The following CAMK4 variants were observed in gnomAD, a reference collection of about 807,000 sequenced individuals.
CAMK4 encodes the protein calcium/calmodulin-dependent protein kinase type IV.
Under a neutral mutation model 44.9 loss-of-function variants are expected in CAMK4, and 22 were observed. The observed-to-expected ratio is 0.49, with a 90% CI of 0.35 to 0.70. CAMK4 has a LOEUF of 0.70. CAMK4 is among the 30% of genes least tolerant of loss of function. CAMK4 has a pLI of 0.01. For missense variants in CAMK4, 498 were observed against 586.8 expected, an observed-to-expected ratio of 0.85 and a Z score of 1.56; for synonymous variants, 218 against 215.4, an observed-to-expected ratio of 1.01 and a Z score of -0.11.
chr5:111,233,391 G>C (rs1036162406), intron 1 of CAMK4, among the ~76,000 whole-genome samples: 2 of 152,144 alleles, frequency 1.3e-5, no homozygotes, highest in Non-Finnish European at 2.9e-5. Context: ...ATGTTGGCTA[G>C]TTCCATTTCT....
intron 7 of CAMK4, among the ~76,000 whole-genome samples, chr5:111,469,613 A>G (rs1754992310): frequency 6.6e-6 from 1 of 152,164 alleles, no homozygotes; most frequent in African/African-American, 2.4e-5. Flanking sequence ...GCCTAGAGAA[A>G]ACATCTGACC....
At chr5:111,238,182 C>T (rs1036730442) in intron 1 of CAMK4, among the ~76,000 whole-genome samples, 24 of 152,218 alleles carry the variant, frequency 1.6e-4, no homozygotes, top group African/African-American at 4.1e-4. Flanking sequence ...AGCACTTCTC[C>T]GTCCCCTCCT....
chr5:111,423,268 T>G (rs1215927039), intron 5 of CAMK4, among the ~76,000 whole-genome samples: 1 of 152,178 alleles, frequency 6.6e-6, no homozygotes, highest in East Asian at 1.9e-4. Flanking sequence ...GCTTTTAAAA[T>G]CTAAATAAAG....
chr5:111,377,078 A>C, intron 4 of CAMK4, 136 bp downstream of exon 4: 1 of 554,566 alleles, frequency 1.8e-6, no homozygotes, highest in Non-Finnish European at 3.2e-6. Context: ...AAAAAGTCTT[A>C]AGAAGAATGT....
At chr5:111,297,645 GC>G (rs1747546880) in intron 1 of CAMK4, among the ~76,000 whole-genome samples, 1 of 152,066 alleles carries the variant, frequency 6.6e-6, no homozygotes, top group African/African-American at 2.4e-5. Context: ...TCCACTGGAG[GC>G]TAATGCCTCA....
intron 5 of CAMK4, among the ~76,000 whole-genome samples, chr5:111,416,100 A>G: frequency 6.6e-6 from 1 of 152,244 alleles, no homozygotes; most frequent in East Asian, 1.9e-4. Flanking sequence ...AGGATATTCC[A>G]GTAACTGCTG....
At chr5:111,314,641 A>T (rs1332788403) in intron 1 of CAMK4, among the ~76,000 whole-genome samples, 1 of 152,108 alleles carries the variant, frequency 6.6e-6, no homozygotes, top group Non-Finnish European at 1.5e-5. Flanking sequence ...AGTTCCCACC[A>T]ATATAATGAT....
At chr5:111,385,050 TA>T (rs1340165122) in intron 4 of CAMK4, among the ~76,000 whole-genome samples, 4 of 152,176 alleles carry the variant, frequency 2.6e-5, no homozygotes, top group African/African-American at 9.6e-5. Flanking sequence ...TAGACGCTAA[TA>T]TTTTTTAAGC....
intron 5 of CAMK4, 134 bp from the exon 6 acceptor site, chr5:111,446,552 T>C: frequency 1.8e-6 from 1 of 570,994 alleles, no homozygotes; most frequent in Non-Finnish European, 3.1e-6. Context: ...GATTTTCCTT[T>C]ATGGTACTTA....
At chr5:111,397,571 G>A (rs1752064992) in intron 5 of CAMK4, among the ~76,000 whole-genome samples, 1 of 151,860 alleles carries the variant, frequency 6.6e-6, no homozygotes, top group South Asian at 2.1e-4. Flanking sequence ...TACACCAATA[G>A]AAAGTTTAAA....
chr5:111,316,654 C>T lies in CAMK4; in HGVS notation c.162-27370C>T, dbSNP rs570761419. ...CTGCAACTGCGTTATTTGTTTAAATCATTTGTTTTAAAAAAGAGTTTTCTT... is the reference window on the plus strand; with the variant it reads ...CTGCAACTGCGTTATTTGTTTAAATTATTTGTTTTAAAAAAGAGTTTTCTT... On this transcript the variant is annotated intron_variant, in intron 1 of 10. Transcript: ENST00000282356. 2.6e-5 allele frequency among the ~76,000 whole-genome samples: 4 copies of T among 152,150 alleles called. No homozygotes were observed. The South Asian group carries it at 6.2e-4, about 24-fold the overall frequency.
chr5:111,472,762 A>G (rs761268764), intron 7 of CAMK4, among the ~76,000 whole-genome samples: 5 of 152,046 alleles, frequency 3.3e-5, no homozygotes, highest in Non-Finnish European at 5.9e-5. Flanking sequence ...TGCATCTCTC[A>G]ATGCCAGGAC....
chr5:111,409,769 A>G (rs868228946), intron 5 of CAMK4, among the ~76,000 whole-genome samples: 6 of 152,182 alleles, frequency 3.9e-5, no homozygotes, highest in African/African-American at 1.4e-4. Flanking sequence ...GGTTCCACAT[A>G]TCTCTAGGGC....
intron 7 of CAMK4, among the ~76,000 whole-genome samples, chr5:111,454,184 G>C (rs1212720125): frequency 6.6e-6 from 1 of 152,072 alleles, no homozygotes; most frequent in Admixed American, 6.6e-5. Flanking sequence ...ACAGAGATGA[G>C]ATGCGAGCTT....
intron 4 of CAMK4, among the ~76,000 whole-genome samples, chr5:111,379,374 A>G (rs1026039631): frequency 1.3e-5 from 2 of 152,164 alleles, no homozygotes; most frequent in Non-Finnish European, 2.9e-5. Flanking sequence ...TTTCATTTGG[A>G]GAGATAAGTG....
chr5:111,278,613 A>C (rs1336357144), intron 1 of CAMK4, among the ~76,000 whole-genome samples: 1 of 152,228 alleles, frequency 6.6e-6, no homozygotes, highest in Non-Finnish European at 1.5e-5. Context: ...GCAGTTCAAA[A>C]GTACCAGGTG....
intron 1 of CAMK4, among the ~76,000 whole-genome samples, chr5:111,297,117 C>G (rs75261952): frequency 5.9e-5 from 9 of 152,150 alleles, no homozygotes; most frequent in African/African-American, 2.2e-4. Flanking sequence ...CTTTTTAAAA[C>G]TAAAATGCGA....
chr5:111,326,683 TAAAA>T (rs397816033), intron 1 of CAMK4, among the ~76,000 whole-genome samples: 145 of 148,786 alleles, frequency 9.7e-4, no homozygotes, highest in African/African-American at 3.3e-3. Context: ...AAGCTATAAA[TAAAA>T]AAAAAGAGTA....
chr5:111,225,173 A>G (rs1451832786), intron 1 of CAMK4, among the ~76,000 whole-genome samples: 2 of 152,224 alleles, frequency 1.3e-5, no homozygotes, highest in Non-Finnish European at 2.9e-5. Flanking sequence ...GAAATGAATC[A>G]TTTAAGAGAG....
Sources: allele counts gnomAD v4.1 joint callset (sites outside exome capture counted in the v4.1 genomes callset), GRCh38; gene constraint gnomAD v4.1.1; transcripts MANE v1.5; gene names NCBI Gene and HGNC (gene_info 2026-07-23, HGNC 2026-07-21).